The following KATNIP variants were observed in gnomAD, a reference collection of about 807,000 sequenced individuals.
KATNIP encodes the protein katanin interacting protein.
Under a neutral mutation model 174.0 loss-of-function variants are expected in KATNIP, and 126 were observed. That is an observed-to-expected ratio of 0.72 (90% CI 0.63 to 0.84). The LOEUF (loss-of-function observed/expected upper bound fraction) is 0.84, where lower values mean the gene tolerates loss of function less well. Ranked by LOEUF, KATNIP falls within the 40% of genes least tolerant of loss-of-function variation. The pLI, the probability that KATNIP is intolerant of heterozygous loss-of-function variation, is 0.00. For synonymous variants in KATNIP, 810 were observed against 835.7 expected, an observed-to-expected ratio of 0.97 and a Z score of 0.53; for missense variants, 1,958 against 2,109.7, an observed-to-expected ratio of 0.93 and a Z score of 1.41.
chr16:27,707,832 G>C (rs1041713801), intron 12 of KATNIP, among the ~76,000 whole-genome samples: 1 of 152,194 alleles, frequency 6.6e-6, no homozygotes, highest in East Asian at 1.9e-4. Flanking sequence ...TCCTTGGTGT[G>C]TCTCTCTGTG....
At chr16:27,653,887 C>G (rs2077189544) in intron 6 of KATNIP, among the ~76,000 whole-genome samples, 1 of 152,094 alleles carries the variant, frequency 6.6e-6, no homozygotes, top group Non-Finnish European at 1.5e-5. Flanking sequence ...CCTGGCTGGT[C>G]TTGAACTCCT....
At chr16:27,604,201 C>T (rs1245641598) in intron 2 of KATNIP, among the ~76,000 whole-genome samples, 1 of 152,048 alleles carries the variant, frequency 6.6e-6, no homozygotes, top group Admixed American at 6.6e-5. Context: ...TGGGCTCAAG[C>T]GATCCTCTCG....
At chr16:27,702,252 G>T (rs1287837001) in intron 11 of KATNIP, among the ~76,000 whole-genome samples, 1 of 152,184 alleles carries the variant, frequency 6.6e-6, no homozygotes, top group African/African-American at 2.4e-5. Context: ...ACCCCATGCA[G>T]CACAGGGTGT....
chr16:27,577,869 T>C (rs1257829398), intron 2 of KATNIP, among the ~76,000 whole-genome samples: 1 of 151,844 alleles, frequency 6.6e-6, no homozygotes, highest in Non-Finnish European at 1.5e-5. Flanking sequence ...CAAAACCCTG[T>C]CTCAAAAAAA....
intron 6 of KATNIP, 81 bp downstream of exon 6, chr16:27,648,816 T>C: frequency 6.8e-7 from 1 of 1,460,782 alleles, no homozygotes; most frequent in Non-Finnish European, 9.4e-7. Flanking sequence ...CGGGGCACTT[T>C]CTGACAGTTA....
rs374277288 is a variant in KATNIP, at chr16:27,750,314, G to T, written c.3346+8G>T. 1.3e-5 allele frequency: 21 copies of T among 1,592,248 alleles called. No homozygotes were observed. In the African/African-American group the frequency reaches 2.4e-4, roughly 18 times the overall value. On this transcript the variant is annotated splice_region_variant and intron_variant, in intron 16 of 27. Coordinates refer to ENST00000261588, the MANE Select transcript of KATNIP (RefSeq NM_015202.5). ...CTGGAACCCTGGCGGGAGGTATGGC[G>T]TGTCTGTAAGAATTTTCTCAGAGCC... is the stretch of plus-strand genomic sequence containing the variant.
chr16:27,677,645 C>G, intron 6 of KATNIP, 84 bp from the exon 7 acceptor site: 1 of 1,333,730 alleles, frequency 7.5e-7, no homozygotes, highest in Admixed American at 2.2e-5. Context: ...GAGAATAATT[C>G]TTTGGTTCAA....
chr16:27,633,029 C>T (rs887514135), intron 5 of KATNIP, among the ~76,000 whole-genome samples: 1 of 152,100 alleles, frequency 6.6e-6, no homozygotes, highest in Non-Finnish European at 1.5e-5. Context: ...GGATTACAGG[C>T]ATGAGCCACC....
intron 7 of KATNIP, among the ~76,000 whole-genome samples, chr16:27,680,569 C>T (rs920942942): frequency 2.6e-5 from 4 of 152,194 alleles, no homozygotes; most frequent in African/African-American, 4.8e-5. Context: ...CCCTGTCACC[C>T]GGGCTGAAGT....
chr16:27,766,541 G>C, intron 20 of KATNIP, 67 bp downstream of exon 20: 1 of 1,489,886 alleles, frequency 6.7e-7, no homozygotes, highest in Non-Finnish European at 9.2e-7. Flanking sequence ...TGAATGGCTG[G>C]CGTGGCAGCC....
In KATNIP at chr16:27,681,431, C is replaced by T. The variant is rs757473707; in HGVS notation, c.841C>T (p.Arg281Trp). 2.3e-5 allele frequency: 37 copies of T among 1,614,058 alleles called. 1 individual carries two copies. Among genetic ancestry groups the T allele is most frequent in the Admixed American group, 1.2e-4 (7 of 60,004 alleles). ...AAGGGAAAGGAATTTGTCTGCAAAG[C>T]GGAAGGACAATGCTGAGGTTTTCGT... ...HKRERNLSAK[R>W]KDNAEVFVPT... The change falls in exon 8 of 28, where the codon CGG becomes TGG. Residue 281 changes from arginine to tryptophan, a missense_variant. By Grantham distance (101) the Arg-to-Trp change is moderately radical. Coordinates refer to ENST00000261588, the MANE Select transcript of KATNIP (RefSeq NM_015202.5).
chr16:27,645,182 T>C (rs1409112843), intron 5 of KATNIP, among the ~76,000 whole-genome samples: 1 of 152,208 alleles, frequency 6.6e-6, no homozygotes, highest in Non-Finnish European at 1.5e-5. Flanking sequence ...TGAGAGGCAG[T>C]CTGGTGACCT....
intron 8 of KATNIP, among the ~76,000 whole-genome samples, chr16:27,691,992 C>T (rs2078751687): frequency 6.6e-6 from 1 of 152,198 alleles, no homozygotes; most frequent in Non-Finnish European, 1.5e-5. Flanking sequence ...CTTGTTCCAT[C>T]CCAGCCCCAG....
At chr16:27,774,803 C>T in intron 23 of KATNIP, 142 bp from the exon 24 acceptor site, 1 of 926,956 alleles carries the variant, frequency 1.1e-6, no homozygotes, top group Non-Finnish European at 1.7e-6. Flanking sequence ...AGGACACGTC[C>T]AATTCAGCTG....
rs563192429 is a variant in KATNIP at position 27,551,652 on chromosome 16, A to T, written c.7+1475A>T. ...GTAATCCTAGCACTCTGGAAGGCCA[A>T]GGCAGGTGGATCACTTGAGGTCAGG... On this transcript the variant is annotated intron_variant, in intron 1 of 27. Transcript: ENST00000261588. Among the ~76,000 whole-genome samples the T allele has an allele frequency of 2.0e-5, 3 of 152,346 alleles. No individual in the cohort carries two copies. The East Asian group carries it at 5.8e-4, about 29-fold the overall frequency.
At chr16:27,759,726 C>T (rs1036581131) in intron 18 of KATNIP, among the ~76,000 whole-genome samples, 1 of 152,206 alleles carries the variant, frequency 6.6e-6, no homozygotes, top group Admixed American at 6.5e-5. Context: ...TTTACAGGCT[C>T]TGCTTGCCTC....
chr16:27,628,816 C>T lies in KATNIP; in HGVS notation c.296C>T (p.Thr99Met), dbSNP rs766297678. The change falls in exon 4 of 28, where the codon ACG becomes ATG. Residue 99 changes from threonine to methionine, a missense_variant. Physicochemically the swap from Thr to Met is moderately conservative, Grantham distance 81. Coordinates refer to ENST00000261588, the MANE Select transcript of KATNIP (RefSeq NM_015202.5). ...HSDFSRSASHTEGTHDYGRRT... is the reference protein window; with the variant it reads ...HSDFSRSASHMEGTHDYGRRT... ...GACTTCTCCAGAAGTGCCTCCCACA[C>T]GGAGGGGACACACGGTGAGCACAGG... 1.5e-5 allele frequency: 25 copies of T among 1,613,960 alleles called. No individual in the cohort carries two copies. Among genetic ancestry groups the T allele is most frequent in the South Asian group, 2.2e-5 (2 of 91,084 alleles).
chr16:27,636,133 G>T (rs912329749), intron 5 of KATNIP, among the ~76,000 whole-genome samples: 3 of 152,122 alleles, frequency 2.0e-5, no homozygotes, highest in Admixed American at 6.5e-5. Context: ...TAGCCTGGGG[G>T]ACAGAGCAAG....
chr16:27,696,771 C>G (rs937728562), intron 8 of KATNIP, among the ~76,000 whole-genome samples: 1 of 151,262 alleles, frequency 6.6e-6, no homozygotes, highest in Non-Finnish European at 1.5e-5. Flanking sequence ...TCTTGTTGCC[C>G]TGGCCGGAGT....
Sources: gnomAD v4.1 joint callset for allele counts (sites outside exome capture counted in the v4.1 genomes callset) on GRCh38, gnomAD v4.1.1 for gene constraint, MANE v1.5 for transcripts, NCBI Gene and HGNC (gene_info 2026-07-23, HGNC 2026-07-21) for gene names.